Variants in GSE1 observed in about 807,000 individuals in gnomAD.
GSE1 encodes Gse1 coiled-coil protein.
GSE1 carries 32 observed loss-of-function variants against 112.6 expected under a neutral mutation model. The observed-to-expected ratio is 0.28, with a 90% CI of 0.21 to 0.38. The LOEUF is 0.38. Ranked by LOEUF, GSE1 falls within the 10% of genes least tolerant of loss-of-function variation. GSE1 has a pLI of 1.00. For missense variants in GSE1, 2,348 were observed against 1,699.2 expected (o/e 1.38, Z -6.71); for synonymous variants, 1,115 against 735.6 (o/e 1.52, Z -8.35).
At chr16:85,333,971 TAC>T (rs1250014197) in intron 1 of GSE1, among the ~76,000 whole-genome samples, 2 of 152,210 alleles carry the variant, frequency 1.3e-5, no homozygotes, top group Non-Finnish European at 2.9e-5. Context: ...TGCTAGATAC[TAC>T]TGTGACAACC....
chr16:85,487,465 C>T (rs1326086665), intron 2 of GSE1, among the ~76,000 whole-genome samples: 1 of 152,190 alleles, frequency 6.6e-6, no homozygotes, highest in East Asian at 1.9e-4. Flanking sequence ...ATTTCATAAA[C>T]ACTGAGGCCT....
intron 2 of GSE1, among the ~76,000 whole-genome samples, chr16:85,431,660 T>C (rs2049124737): frequency 6.6e-6 from 1 of 151,964 alleles, no homozygotes. Flanking sequence ...CCATTGGCCT[T>C]CCGTCCTCCT....
intron 2 of GSE1, among the ~76,000 whole-genome samples, chr16:85,485,750 C>T (rs1307215054): frequency 1.3e-5 from 2 of 152,336 alleles, no homozygotes; most frequent in East Asian, 3.9e-4. Flanking sequence ...TGGGCCGCCT[C>T]GCTCCTGGGG....
At chr16:85,483,463 G>C (rs2050744158) in intron 2 of GSE1, among the ~76,000 whole-genome samples, 1 of 152,266 alleles carries the variant, frequency 6.6e-6, no homozygotes, top group Non-Finnish European at 1.5e-5. Context: ...CGAGGGTTGT[G>C]AGAGCCTGTC....
chr16:85,611,232 T>G (rs1371499252), upstream of GSE1, among the ~76,000 whole-genome samples: 1 of 152,006 alleles, frequency 6.6e-6, no homozygotes, highest in African/African-American at 2.4e-5. Flanking sequence ...TCGGGGCCAG[T>G]CGTCGTCCAT....
rs545502811 is a variant in GSE1 at position 85,184,389 on chromosome 16, A to G, written c.2283+12582A>G. ...CCTAGGGGAAAAGAGGGGAATCTGC[A>G]AAGTCATGTTTTCCCTCAGGATGTG... On this transcript the variant is annotated intron_variant, in intron 1 of 2. Transcript: ENST00000637419. 5.3e-4 allele frequency among the ~76,000 whole-genome samples: 80 copies of G among 152,336 alleles called. 3 individuals are homozygous for G. The South Asian group carries it at 0.015, about 28-fold the overall frequency.
intron 1 of GSE1, among the ~76,000 whole-genome samples, chr16:85,326,707 A>G (rs915194002): frequency 1.3e-5 from 2 of 152,236 alleles, no homozygotes; most frequent in Non-Finnish European, 2.9e-5. Flanking sequence ...ATATTTCGCC[A>G]TAGCAGCGTG....
chr16:85,358,425 G>T (rs879829244), intron 2 of GSE1, among the ~76,000 whole-genome samples: 3 of 152,296 alleles, frequency 2.0e-5, no homozygotes, highest in Admixed American at 6.5e-5. Flanking sequence ...TCAAGGCTCT[G>T]TCCTGCCCCC....
intron 15 of GSE1, chr16:85,671,706 AATT>A (rs1328569500): frequency 6.5e-6 from 1 of 153,398 alleles, no homozygotes; most frequent in African/African-American, 2.4e-5. Flanking sequence ...TTGTAGAATG[AATT>A]ATTGCCTGTA....
rs187780338 is a variant in GSE1 at position 85,453,373 on chromosome 16, G to A, written c.2464+95730G>A. Among the ~76,000 whole-genome samples, 370 of 152,300 alleles carry A rather than the reference G, an allele frequency of 2.4e-3. 1 individual carries two copies. Among genetic ancestry groups the A allele is most frequent in the African/African-American group, 7.5e-3 (313 of 41,564 alleles). ...GTGTACAAAGGACTCAGCATCGGGC[G>A]CTGGGGCGTGCCAGGCAGTGACAGT... On this transcript the variant is annotated intron_variant, in intron 2 of 2. Transcript: ENST00000637419.
chr16:85,291,409 C>G (rs969833189), intron 1 of GSE1, among the ~76,000 whole-genome samples: 1 of 152,210 alleles, frequency 6.6e-6, no homozygotes, highest in Non-Finnish European at 1.5e-5. Flanking sequence ...GCAGCATTTT[C>G]TGGATCCTTC....
At chr16:85,526,236 T>A (rs1188249096) in intron 2 of GSE1, among the ~76,000 whole-genome samples, 1 of 152,218 alleles carries the variant, frequency 6.6e-6, no homozygotes, top group Non-Finnish European at 1.5e-5. Flanking sequence ...TCCCCAGGGA[T>A]TAGCTCGAGA....
intron 1 of GSE1, among the ~76,000 whole-genome samples, chr16:85,196,377 G>C (rs915629870): frequency 1.3e-5 from 2 of 152,132 alleles, no homozygotes; most frequent in African/African-American, 4.8e-5. Flanking sequence ...GCATCTGACT[G>C]TCAGCCCCTG....
At chr16:85,435,656 G>A (rs1160403797) in intron 2 of GSE1, among the ~76,000 whole-genome samples, 1 of 152,144 alleles carries the variant, frequency 6.6e-6, no homozygotes, top group Non-Finnish European at 1.5e-5. Context: ...TGTCTGAGAG[G>A]GAAGGGGAGA....
At chr16:85,644,237 G>A (rs1414484177) in intron 2 of GSE1, among the ~76,000 whole-genome samples, 1 of 152,060 alleles carries the variant, frequency 6.6e-6, no homozygotes, top group Non-Finnish European at 1.5e-5. Context: ...TCCTCAGGAG[G>A]CTGAGGTGGG....
intron 2 of GSE1, among the ~76,000 whole-genome samples, chr16:85,367,539 G>A (rs2047209782): frequency 6.6e-6 from 1 of 152,242 alleles, no homozygotes; most frequent in Non-Finnish European, 1.5e-5. Context: ...GCAGGGGACA[G>A]AGAGACCTGA....
chr16:85,553,970 C>G (rs889175962), upstream of GSE1, among the ~76,000 whole-genome samples: 1 of 152,014 alleles, frequency 6.6e-6, no homozygotes, highest in Non-Finnish European at 1.5e-5. Context: ...GCGCGGTGCC[C>G]CGCCGTGTGT....
intron 1 of GSE1, among the ~76,000 whole-genome samples, chr16:85,589,805 TGTGA>T (rs2046898509): frequency 6.9e-6 from 1 of 144,438 alleles, no homozygotes; most frequent in Non-Finnish European, 1.5e-5. Context: ...GTGAGACGTG[TGTGA>T]ATGTGAGTGT....
At chr16:85,354,073 C>T (rs994678585) in intron 1 of GSE1, among the ~76,000 whole-genome samples, 1 of 152,200 alleles carries the variant, frequency 6.6e-6, no homozygotes, top group Non-Finnish European at 1.5e-5. Flanking sequence ...CTTGAAGGCC[C>T]ACTTCACATT....
Sources: gnomAD v4.1 joint callset for allele counts (sites outside exome capture counted in the v4.1 genomes callset) on GRCh38, gnomAD v4.1.1 for gene constraint, MANE v1.5 for transcripts, NCBI Gene and HGNC (gene_info 2026-07-23, HGNC 2026-07-21) for gene names.